The following SGCZ variants were observed in gnomAD, a reference collection of about 807,000 sequenced individuals.
The protein encoded by SGCZ is sarcoglycan zeta.
Under a neutral mutation model 41.3 loss-of-function variants are expected in SGCZ, and 40 were observed. The observed-to-expected ratio is 0.97, with a 90% CI of 0.75 to 1.26. The LOEUF (loss-of-function observed/expected upper bound fraction) is 1.26. Among genes scored for constraint, SGCZ ranks in the 50% most tolerant of loss-of-function variants. The pLI, the probability that SGCZ is intolerant of heterozygous loss-of-function variation, is 0.00. For synonymous variants in SGCZ, 206 were observed against 137.5 expected (o/e 1.50, Z -3.49); for missense variants, 552 against 369.8 (o/e 1.49, Z -4.04).
chr8:15,149,677 C>T (rs964468916), intron 1 of SGCZ, among the ~76,000 whole-genome samples: 1 of 138,060 alleles, frequency 7.2e-6, no homozygotes, highest in Admixed American at 7.7e-5. Context: ...GGAAAACAGT[C>T]ACCTTTAACG....
At chr8:15,181,232 A>C (rs572965973) in intron 1 of SGCZ, among the ~76,000 whole-genome samples, 37 of 152,224 alleles carry the variant, frequency 2.4e-4, no homozygotes, top group Non-Finnish European at 4.3e-4. Context: ...TTAACTTGAA[A>C]ATAGTTTTTT....
chr8:14,939,473 T>C (rs528061026), intron 1 of SGCZ, among the ~76,000 whole-genome samples: 1 of 152,228 alleles, frequency 6.6e-6, no homozygotes, highest in South Asian at 2.1e-4. Context: ...ACAAATTTAA[T>C]GAGCAAATAA....
Position 14,135,350 on chromosome 8 carries a change from T to C in SGCZ, c.548-27115A>G, listed in dbSNP as rs547216219. On this transcript the variant is annotated intron_variant, in intron 5 of 7. Transcript: ENST00000382080. ...TCTTCTTTCTTTAAAGGGGCTGATG[T>C]GATAGGAAGAAAGCAGAAATATCAT... is the stretch of plus-strand genomic sequence containing the variant. 6.6e-5 allele frequency among the ~76,000 whole-genome samples: 10 copies of C among 152,304 alleles called. No individual in the cohort carries two copies. In the South Asian group the frequency reaches 1.9e-3, roughly 28 times the overall value.
chr8:15,013,010 G>A lies in SGCZ; in HGVS notation c.39+224575C>T, dbSNP rs567227234. Among the ~76,000 whole-genome samples the A allele has an allele frequency of 1.6e-3, 247 of 152,120 alleles. 3 individuals are homozygous for A. Among genetic ancestry groups the A allele is most frequent in the African/African-American group, 5.9e-3 (244 of 41,518 alleles). The stretch of plus-strand genomic sequence containing the variant: ...TGGAAAAGCTGTTCTGTAGTATGGT[G>A]TCTGGTGCCAACTTCTTAATGGCAA... On this transcript the variant is annotated intron_variant, in intron 1 of 7. Transcript: ENST00000382080.
intron 1 of SGCZ, among the ~76,000 whole-genome samples, chr8:14,802,723 T>C (rs1801362930): frequency 6.6e-6 from 1 of 152,190 alleles, no homozygotes; most frequent in African/African-American, 2.4e-5. Context: ...ATTATGGTGT[T>C]TTAGCATGTG....
chr8:14,244,162 T>G (rs1798993782), intron 3 of SGCZ, among the ~76,000 whole-genome samples: 3 of 150,742 alleles, frequency 2.0e-5, no homozygotes, highest in African/African-American at 7.3e-5. Context: ...CTCCTCTTCC[T>G]TCTTCCTCCT....
chr8:14,962,807 C>T (rs578254446), intron 1 of SGCZ, among the ~76,000 whole-genome samples: 2 of 152,234 alleles, frequency 1.3e-5, no homozygotes, highest in East Asian at 1.9e-4. Context: ...AGAAATTCGT[C>T]GTGATAAGAT....
At chr8:14,805,680 A>G (rs981354714) in intron 1 of SGCZ, among the ~76,000 whole-genome samples, 2 of 151,664 alleles carry the variant, frequency 1.3e-5, no homozygotes, top group Non-Finnish European at 2.9e-5. Flanking sequence ...ACGAGACAGA[A>G]AGTCACCAAG....
chr8:14,092,657 G>C (rs1245339023), intron 7 of SGCZ, among the ~76,000 whole-genome samples: 1 of 151,884 alleles, frequency 6.6e-6, no homozygotes, highest in Admixed American at 6.6e-5. Flanking sequence ...TTTTATAAGG[G>C]GGAAACCCCT....
intron 4 of SGCZ, among the ~76,000 whole-genome samples, chr8:14,196,293 C>T (rs1338645745): frequency 4.7e-5 from 7 of 148,562 alleles, no homozygotes; most frequent in Admixed American, 1.3e-4. Flanking sequence ...GACGGAGTTT[C>T]GCTCTTGTTG....
chr8:15,098,038 T>C (rs1806453506), intron 1 of SGCZ, among the ~76,000 whole-genome samples: 1 of 151,424 alleles, frequency 6.6e-6, no homozygotes, highest in Non-Finnish European at 1.5e-5. Context: ...ATTAAACTGG[T>C]GTTGTAAGCT....
chr8:15,013,044 A>T (rs946696419), intron 1 of SGCZ, among the ~76,000 whole-genome samples: 1 of 152,086 alleles, frequency 6.6e-6, no homozygotes, highest in African/African-American at 2.4e-5. Context: ...AAACAGGTGG[A>T]TTTTTAAGAA....
chr8:14,157,032 G>C (rs895581420), intron 5 of SGCZ, among the ~76,000 whole-genome samples: 1 of 152,072 alleles, frequency 6.6e-6, no homozygotes, highest in African/African-American at 2.4e-5. Flanking sequence ...CTGTGATCAA[G>C]TATTATGTAC....
chr8:14,423,823 T>C (rs1205974292), intron 2 of SGCZ, among the ~76,000 whole-genome samples: 1 of 152,202 alleles, frequency 6.6e-6, no homozygotes, highest in Non-Finnish European at 1.5e-5. Flanking sequence ...TCTCATTTAC[T>C]TTCTCTCTCA....
chr8:15,211,641 T>C (rs75743138), intron 1 of SGCZ, among the ~76,000 whole-genome samples: 8,179 of 152,194 alleles, frequency 0.054, 241 homozygotes, highest in South Asian at 0.074. Context: ...CATACCTTCT[T>C]CTATGTGATC....
chr8:15,039,451 G>T (rs1042046858), intron 1 of SGCZ, among the ~76,000 whole-genome samples: 1 of 152,126 alleles, frequency 6.6e-6, no homozygotes, highest in African/African-American at 2.4e-5. Context: ...TAGAATGGGG[G>T]TTACCAAAGT....
intron 1 of SGCZ, among the ~76,000 whole-genome samples, chr8:14,918,797 CTA>C (rs1386019369): frequency 6.6e-6 from 1 of 152,200 alleles, no homozygotes; most frequent in East Asian, 1.9e-4. Context: ...CTCATTTTAA[CTA>C]AGAACAGTAG....
intron 1 of SGCZ, among the ~76,000 whole-genome samples, chr8:14,627,117 T>C (rs1410592406): frequency 1.3e-5 from 2 of 152,182 alleles, no homozygotes; most frequent in African/African-American, 2.4e-5. Context: ...TACATTATGA[T>C]ACAAATTGTT....
chr8:14,713,771 A>C (rs1809598198), intron 1 of SGCZ, among the ~76,000 whole-genome samples: 1 of 151,764 alleles, frequency 6.6e-6, no homozygotes, highest in Admixed American at 6.6e-5. Context: ...TAATTATATT[A>C]TTTATGTTAA....
Sources: gnomAD v4.1 joint callset for allele counts (sites outside exome capture counted in the v4.1 genomes callset) on GRCh38, gnomAD v4.1.1 for gene constraint, MANE v1.5 for transcripts, NCBI Gene and HGNC (gene_info 2026-07-23, HGNC 2026-07-21) for gene names.